The following CACNA1E variants were observed in gnomAD, a reference collection of about 807,000 sequenced individuals.
The protein encoded by CACNA1E is voltage-dependent R-type calcium channel subunit alpha-1E.
Under a neutral mutation model 259.2 loss-of-function variants are expected in CACNA1E, and 40 were observed. That is an observed-to-expected ratio of 0.15 (90% CI 0.12 to 0.20). The LOEUF (loss-of-function observed/expected upper bound fraction) is 0.20, where lower values mean the gene tolerates loss of function less well. Ranked by LOEUF, CACNA1E falls within the 10% of genes least tolerant of loss-of-function variation. The probability of loss-of-function intolerance (pLI) is 1.00; values close to 1 mark genes in which losing one functional copy is unlikely to be tolerated. For synonymous variants in CACNA1E, 1,104 were observed against 1,138.5 expected, an observed-to-expected ratio of 0.97 and a Z score of 0.61; for missense variants, 1,874 against 3,040.1, an observed-to-expected ratio of 0.62 and a Z score of 9.02.
chr1:181,539,998 G>C (rs1486230161), intron 3 of CACNA1E, among the ~76,000 whole-genome samples: 1 of 152,024 alleles, frequency 6.6e-6, no homozygotes. Context: ...GGTCCTCTTT[G>C]GTCTCTCTCC....
chr1:181,347,503 C>T (rs1348151471), intron 1 of CACNA1E, among the ~76,000 whole-genome samples: 1 of 152,152 alleles, frequency 6.6e-6, no homozygotes, highest in Non-Finnish European at 1.5e-5. Context: ...AGCTCTTGCC[C>T]AAAGAGCATC....
chr1:181,733,977 A>C (rs745981546), intron 21 of CACNA1E, among the ~76,000 whole-genome samples: 16 of 152,128 alleles, frequency 1.1e-4, no homozygotes, highest in Non-Finnish European at 1.5e-4. Flanking sequence ...TCCTGTGACC[A>C]CCCTCAAGTC....
At chr1:181,320,393 A>G (rs1017278884) in intron 1 of CACNA1E, among the ~76,000 whole-genome samples, 7 of 152,196 alleles carry the variant, frequency 4.6e-5, no homozygotes, top group Admixed American at 1.3e-4. Flanking sequence ...TGCAGCCCAT[A>G]AATCTGCCAG....
chr1:181,390,965 T>C (rs1026327438), intron 1 of CACNA1E, among the ~76,000 whole-genome samples: 1 of 152,200 alleles, frequency 6.6e-6, no homozygotes, highest in Non-Finnish European at 1.5e-5. Flanking sequence ...CCCTTACCTT[T>C]CCATCTCTGT....
At chr1:181,712,654 T>C (rs1558294954) in intron 8 of CACNA1E, among the ~76,000 whole-genome samples, 1 of 152,204 alleles carries the variant, frequency 6.6e-6, no homozygotes. Context: ...AAGGCTGTTG[T>C]GTAGGGATGA....
chr1:181,370,921 G>A (rs1654656770), intron 1 of CACNA1E, among the ~76,000 whole-genome samples: 1 of 152,108 alleles, frequency 6.6e-6, no homozygotes, highest in African/African-American at 2.4e-5. Context: ...TTTCTCCACA[G>A]CCTCGACAAC....
intron 3 of CACNA1E, among the ~76,000 whole-genome samples, chr1:181,560,814 C>A (rs938019072): frequency 6.6e-6 from 1 of 152,144 alleles, no homozygotes; most frequent in Non-Finnish European, 1.5e-5. Context: ...TTCACAATAA[C>A]CAAAAGGTTT....
chr1:181,372,047 T>C (rs1654745567), intron 1 of CACNA1E, among the ~76,000 whole-genome samples: 1 of 152,222 alleles, frequency 6.6e-6, no homozygotes. Context: ...ATGCCTTTGT[T>C]CTTTTTGCTT....
intron 1 of CACNA1E, among the ~76,000 whole-genome samples, chr1:181,352,985 C>T (rs1653153693): frequency 6.6e-6 from 1 of 152,180 alleles, no homozygotes; most frequent in Non-Finnish European, 1.5e-5. Flanking sequence ...GATTGACCCT[C>T]AGTGCCCACT....
At chr1:181,619,295 T>TTAAGCCATATGGAC (rs1160766229) in intron 6 of CACNA1E, among the ~76,000 whole-genome samples, 1 of 151,892 alleles carries the variant, frequency 6.6e-6, no homozygotes, top group Non-Finnish European at 1.5e-5. Context: ...AAGCTAGGGA[T>TTAAGCCATATGGAC]TAAGCCATAT....
At chr1:181,446,542 G>T (rs1470239655) in intron 2 of CACNA1E, among the ~76,000 whole-genome samples, 1 of 152,188 alleles carries the variant, frequency 6.6e-6, no homozygotes, top group Non-Finnish European at 1.5e-5. Flanking sequence ...AGATTCAGAG[G>T]CATTTAAAAA....
At chr1:181,788,614 G>C (rs1176168422) in intron 43 of CACNA1E, among the ~76,000 whole-genome samples, 1 of 152,092 alleles carries the variant, frequency 6.6e-6, no homozygotes, top group Admixed American at 6.5e-5. Context: ...AACTAAAAAA[G>C]GCCGCCATGT....
chr1:181,649,141 C>T (rs1165910625), intron 6 of CACNA1E, among the ~76,000 whole-genome samples: 1 of 152,216 alleles, frequency 6.6e-6, no homozygotes, highest in Non-Finnish European at 1.5e-5. Flanking sequence ...CTCTTGGCAT[C>T]TAGTTCCTTT....
At chr1:181,369,699 C>T (rs969995124) in intron 1 of CACNA1E, among the ~76,000 whole-genome samples, 4 of 152,100 alleles carry the variant, frequency 2.6e-5, no homozygotes, top group Admixed American at 1.3e-4. Flanking sequence ...TTCTGTATGC[C>T]GTCAAGATGC....
At chr1:181,754,036 TC>T (rs1657841450) in intron 27 of CACNA1E, among the ~76,000 whole-genome samples, 1 of 152,178 alleles carries the variant, frequency 6.6e-6, no homozygotes, top group African/African-American at 2.4e-5. Context: ...CTTACCACCT[TC>T]CTGCCCATAA....
chr1:181,631,492 A>G lies in CACNA1E; in HGVS notation c.952-19846A>G, dbSNP rs924096953. Among the ~76,000 whole-genome samples the G allele has an allele frequency of 2.6e-5, 4 of 152,154 alleles. No homozygotes were observed. The East Asian group carries it at 7.7e-4, about 29-fold the overall frequency. On this transcript the variant is annotated intron_variant, in intron 6 of 47. Transcript: ENST00000367573. The stretch of plus-strand genomic sequence containing the variant: ...TCCTCTCACAGTGTGCTCCCCCAGC[A>G]TCGTGCTCTGAGCATAGGTGGTGTT...
chr1:181,608,259 G>A (rs1654415933), intron 6 of CACNA1E, among the ~76,000 whole-genome samples: 2 of 152,118 alleles, frequency 1.3e-5, no homozygotes, highest in Admixed American at 1.3e-4. Flanking sequence ...GGTATTATTT[G>A]GGAAGACAGG....
chr1:181,353,182 C>T (rs1653169080), intron 1 of CACNA1E, among the ~76,000 whole-genome samples: 1 of 152,180 alleles, frequency 6.6e-6, no homozygotes, highest in African/African-American at 2.4e-5. Context: ...GATGGGCCTG[C>T]AGGACATCAT....
chr1:181,703,037 A>G (rs1652432700), intron 7 of CACNA1E, among the ~76,000 whole-genome samples: 1 of 152,182 alleles, frequency 6.6e-6, no homozygotes, highest in African/African-American at 2.4e-5. Flanking sequence ...ACCTCAAGCC[A>G]TCCTCCTTCC....
Sources: gnomAD v4.1 joint callset for allele counts (sites outside exome capture counted in the v4.1 genomes callset) on GRCh38, gnomAD v4.1.1 for gene constraint, MANE v1.5 for transcripts, NCBI Gene and HGNC (gene_info 2026-07-23, HGNC 2026-07-21) for gene names.